NRG3: variants seen among roughly 807,000 people sequenced by gnomAD.
NRG3 encodes the protein pro-neuregulin-3, membrane-bound isoform.
In NRG3, 31 loss-of-function variants were observed where a neutral mutation model predicts 66.9. The ratio of observed to expected loss-of-function variants is 0.46; its 90% CI spans 0.35 to 0.63. The LOEUF (loss-of-function observed/expected upper bound fraction) is 0.63. Among genes scored for constraint, NRG3 ranks in the 20% least tolerant of loss-of-function variants. The pLI is 0.00. For synonymous variants in NRG3, 393 were observed against 359.4 expected, an observed-to-expected ratio of 1.09 and a Z score of -1.06; for missense variants, 910 against 878.9, an observed-to-expected ratio of 1.04 and a Z score of -0.45.
At chr10:82,016,375 C>T (rs1248264095) in intron 1 of NRG3, among the ~76,000 whole-genome samples, 2 of 151,866 alleles carry the variant, frequency 1.3e-5, no homozygotes, top group African/African-American at 4.8e-5. Flanking sequence ...AGGTTGCAAA[C>T]AGAACCCTCT....
intron 1 of NRG3, among the ~76,000 whole-genome samples, chr10:82,300,566 AGAT>A: frequency 6.6e-6 from 1 of 152,336 alleles, no homozygotes. Flanking sequence ...TAAGAAAAGA[AGAT>A]GAGACACCTA....
chr10:82,040,805 C>T (rs1050324402), intron 1 of NRG3, among the ~76,000 whole-genome samples: 3 of 152,058 alleles, frequency 2.0e-5, no homozygotes, highest in African/African-American at 7.2e-5. Context: ...TATAGTTCTC[C>T]TCTCCCTGCC....
chr10:82,361,013 C>G (rs1291533863), intron 2 of NRG3, among the ~76,000 whole-genome samples: 1 of 152,168 alleles, frequency 6.6e-6, no homozygotes, highest in East Asian at 1.9e-4. Context: ...TCTGTGAAGA[C>G]CTTTCTCCAA....
intron 1 of NRG3, among the ~76,000 whole-genome samples, chr10:82,151,742 C>T (rs977945970): frequency 6.6e-6 from 1 of 152,138 alleles, no homozygotes; most frequent in Non-Finnish European, 1.5e-5. Context: ...TGAATGAGTT[C>T]TGTGTGGTCT....
At chr10:81,955,221 T>G (rs1223351009) in intron 1 of NRG3, among the ~76,000 whole-genome samples, 1 of 149,906 alleles carries the variant, frequency 6.7e-6, no homozygotes, top group African/African-American at 2.4e-5. Flanking sequence ...GAGTGAGAGA[T>G]TTTATCATAA....
intron 3 of NRG3, among the ~76,000 whole-genome samples, chr10:82,848,409 T>G (rs2063407687): frequency 6.6e-6 from 1 of 152,180 alleles, no homozygotes; most frequent in South Asian, 2.1e-4. Context: ...TTTGGTCAAT[T>G]TCTCCAATTT....
chr10:81,904,694 G>T (rs1206881183), intron 1 of NRG3, among the ~76,000 whole-genome samples: 1 of 151,992 alleles, frequency 6.6e-6, no homozygotes, highest in African/African-American at 2.4e-5. Context: ...GCAATCTTTT[G>T]TTTCTATGGC....
At chr10:82,973,682 C>A in intron 6 of NRG3, 106 bp from the exon 7 acceptor site, 1 of 1,224,908 alleles carries the variant, frequency 8.2e-7, no homozygotes, top group South Asian at 1.3e-5. Context: ...AGTCAGGTGA[C>A]CAGGAGGAAC....
chr10:82,308,080 C>T (rs779948122), intron 1 of NRG3, among the ~76,000 whole-genome samples: 67 of 152,166 alleles, frequency 4.4e-4, no homozygotes, highest in Middle Eastern at 3.4e-3. Flanking sequence ...GGGCTACTTC[C>T]TCAAAATCTC....
chr10:82,861,980 A>G (rs1889133), intron 3 of NRG3, among the ~76,000 whole-genome samples: 2,449 of 152,252 alleles, frequency 0.016, 66 homozygotes, highest in African/African-American at 0.056. Flanking sequence ...TCTCTCTCCA[A>G]TGTCCTAGGT....
intron 2 of NRG3, among the ~76,000 whole-genome samples, chr10:82,651,594 T>G (rs567594367): frequency 1.3e-5 from 2 of 152,338 alleles, no homozygotes; most frequent in Non-Finnish European, 2.9e-5. Context: ...GTTTAGGCCT[T>G]TAGCCAGCAG....
intron 1 of NRG3, among the ~76,000 whole-genome samples, chr10:82,329,859 A>C (rs1162763580): frequency 6.6e-6 from 1 of 152,188 alleles, no homozygotes; most frequent in Non-Finnish European, 1.5e-5. Context: ...TCATCACAGG[A>C]AGCTGGAGCT....
rs1853266176 is a variant in NRG3, at chr10:82,984,636, G to A, written c.1584-462G>A. On this transcript the variant is annotated intron_variant, in intron 8 of 8. Coordinates refer to ENST00000372141, the MANE Select transcript of NRG3 (RefSeq NM_001010848.4). ...GGGCTTCTTGATTGGCTTCGACTAG[G>A]GTGGCCACAACAAGTCTACTGGACT... 3 of 665,048 alleles carry A rather than the reference G, an allele frequency of 4.5e-6. No homozygotes were observed. In the Admixed American group the frequency reaches 8.7e-5, roughly 19 times the overall value. 41.2% of individuals were successfully genotyped at this position (665,048 alleles called of 1,614,324 possible).
rs1180722550 is a variant in NRG3 at position 82,497,503 on chromosome 10, A to G, written c.953+138635A>G. Among the ~76,000 whole-genome samples, 5 of 152,146 alleles carry G rather than the reference A, an allele frequency of 3.3e-5. No individual in the cohort carries two copies. The East Asian group carries it at 9.6e-4, about 29-fold the overall frequency. ...GTGTTTGGCTTATTTCACTCAGCAT[A>G]ATGTCCTCCAAGGTCATCCATATTG... On this transcript the variant is annotated intron_variant, in intron 2 of 8. Coordinates refer to ENST00000372141, the MANE Select transcript of NRG3 (RefSeq NM_001010848.4).
chr10:82,349,910 G>T (rs1212938911), intron 1 of NRG3, among the ~76,000 whole-genome samples: 1 of 152,090 alleles, frequency 6.6e-6, no homozygotes. Flanking sequence ...GCAATGCCTC[G>T]CCCTGCTTCG....
At chr10:82,167,653 T>TA (rs2072197250) in intron 1 of NRG3, among the ~76,000 whole-genome samples, 1 of 152,128 alleles carries the variant, frequency 6.6e-6, no homozygotes, top group African/African-American at 2.4e-5. Flanking sequence ...CAGCCACAGT[T>TA]ATTTGTTTTC....
At chr10:81,993,966 A>G (rs375666594) in intron 1 of NRG3, among the ~76,000 whole-genome samples, 11 of 152,180 alleles carry the variant, frequency 7.2e-5, no homozygotes, top group Admixed American at 4.6e-4. Flanking sequence ...CAAAAACATG[A>G]TTGTTTCTTT....
chr10:82,564,329 T>C (rs2045251258), intron 2 of NRG3, among the ~76,000 whole-genome samples: 2 of 152,210 alleles, frequency 1.3e-5, no homozygotes, highest in Non-Finnish European at 2.9e-5. Flanking sequence ...ATGGAGCTTC[T>C]CTGAATTGAT....
intron 1 of NRG3, among the ~76,000 whole-genome samples, chr10:82,157,516 A>G (rs2071278523): frequency 6.6e-6 from 1 of 151,708 alleles, no homozygotes; most frequent in Admixed American, 6.6e-5. Flanking sequence ...ATGGACATCT[A>G]TTTTGCAAAA....
Sources: gnomAD v4.1 joint callset for allele counts (sites outside exome capture counted in the v4.1 genomes callset) on GRCh38, gnomAD v4.1.1 for gene constraint, MANE v1.5 for transcripts, NCBI Gene and HGNC (gene_info 2026-07-23, HGNC 2026-07-21) for gene names.